TAFA1: variants seen among roughly 807,000 people sequenced by gnomAD.
TAFA1 encodes the protein TAFA chemokine like family member 1, also known as chemokine-like protein TAFA-1.
A neutral mutation model predicts 18.5 loss-of-function variants in TAFA1; 4 were observed. That is an observed-to-expected ratio of 0.22 (90% CI 0.11 to 0.49). TAFA1 has a LOEUF of 0.49. Among genes scored for constraint, TAFA1 ranks in the 20% least tolerant of loss-of-function variants. The probability of loss-of-function intolerance (pLI) is 0.98; values close to 1 mark genes in which losing one functional copy is unlikely to be tolerated. For missense variants in TAFA1, 147 were observed against 169.0 expected (o/e 0.87, Z 0.72); for synonymous variants, 56 against 55.2 (o/e 1.01, Z -0.06).
intron 3 of TAFA1, among the ~76,000 whole-genome samples, chr3:68,446,432 C>T (rs1488708714): frequency 6.6e-6 from 1 of 152,134 alleles, no homozygotes; most frequent in East Asian, 1.9e-4. Flanking sequence ...TCCTGGCCCC[C>T]TCCCTTCTAT....
chr3:68,439,268 A>G (rs750704174), intron 3 of TAFA1, among the ~76,000 whole-genome samples: 10 of 151,482 alleles, frequency 6.6e-5, no homozygotes, highest in Non-Finnish European at 1.3e-4. Context: ...TAAGTGGACA[A>G]ATGTGACCAT....
intron 2 of TAFA1, among the ~76,000 whole-genome samples, chr3:68,245,433 G>A (rs940678870): frequency 6.6e-6 from 1 of 152,038 alleles, no homozygotes; most frequent in Non-Finnish European, 1.5e-5. Flanking sequence ...CTGTAGTAAT[G>A]TTTTCTTTGT....
At chr3:68,327,326 A>T (rs1223298412) in intron 2 of TAFA1, among the ~76,000 whole-genome samples, 1 of 152,154 alleles carries the variant, frequency 6.6e-6, no homozygotes, top group African/African-American at 2.4e-5. Context: ...CCGGGAGACT[A>T]TTTCAGAAAT....
At chr3:68,482,656 C>T (rs1397043510) in intron 3 of TAFA1, among the ~76,000 whole-genome samples, 4 of 152,228 alleles carry the variant, frequency 2.6e-5, no homozygotes, top group African/African-American at 9.6e-5. Context: ...ATTAATTCCT[C>T]TACTCTCTTC....
intron 2 of TAFA1, among the ~76,000 whole-genome samples, chr3:68,393,486 G>A (rs1428865798): frequency 2.0e-5 from 3 of 151,814 alleles, no homozygotes; most frequent in African/African-American, 7.3e-5. Flanking sequence ...AACAGAAAAA[G>A]AGGCACTCCT....
At chr3:68,293,978 A>G (rs757430269) in intron 2 of TAFA1, among the ~76,000 whole-genome samples, 1 of 152,354 alleles carries the variant, frequency 6.6e-6, no homozygotes, top group South Asian at 2.1e-4. Flanking sequence ...ATTAAGATTT[A>G]GGATTTTTTG....
chr3:68,464,042 G>A (rs1010396609), intron 3 of TAFA1, among the ~76,000 whole-genome samples: 5 of 152,118 alleles, frequency 3.3e-5, no homozygotes, highest in Admixed American at 6.6e-5. Context: ...CTCTTGATGA[G>A]GTAGGATGTT....
At chr3:68,421,959 G>A (rs936434283) in intron 3 of TAFA1, among the ~76,000 whole-genome samples, 8 of 152,018 alleles carry the variant, frequency 5.3e-5, no homozygotes, top group African/African-American at 1.9e-4. Context: ...AGGAATGCAT[G>A]TTTATAATAG....
At chr3:68,098,179 T>C (rs1209892763) in intron 2 of TAFA1, among the ~76,000 whole-genome samples, 1 of 152,158 alleles carries the variant, frequency 6.6e-6, no homozygotes, top group Non-Finnish European at 1.5e-5. Flanking sequence ...AGAATCGTGA[T>C]GGAAGTCAAT....
chr3:68,471,215 C>A (rs144220556), intron 3 of TAFA1, among the ~76,000 whole-genome samples: 96 of 152,328 alleles, frequency 6.3e-4, no homozygotes, highest in African/African-American at 2.1e-3. Flanking sequence ...AATGTCCAGG[C>A]AGAAGTTTGC....
At position 68,400,728 on chromosome 3, in the gene TAFA1, T is replaced by C. The variant is rs532845205; in HGVS notation, c.119-16552T>C. Among the ~76,000 whole-genome samples the C allele has an allele frequency of 3.9e-5, 6 of 152,334 alleles. No individual in the cohort carries two copies. The East Asian group carries it at 7.7e-4, about 20-fold the overall frequency. On this transcript the variant is annotated intron_variant, in intron 2 of 4. Coordinates refer to ENST00000478136, the MANE Select transcript of TAFA1 (RefSeq NM_213609.4). ...AACTATCAAACTTAGTGGACATTTA[T>C]ACATGGAAATTACCTAATTAATTCC...
At chr3:68,031,172 A>G (rs970269750) in intron 2 of TAFA1, among the ~76,000 whole-genome samples, 39 of 152,212 alleles carry the variant, frequency 2.6e-4, no homozygotes, top group African/African-American at 9.2e-4. Context: ...GGAAGAGAAG[A>G]GACCTGAAGG....
chr3:68,098,211 G>GA (rs1001810313), intron 2 of TAFA1, among the ~76,000 whole-genome samples: 2 of 151,666 alleles, frequency 1.3e-5, no homozygotes, highest in African/African-American at 2.4e-5. Flanking sequence ...TCAAATGGGG[G>GA]AAAAAAAGCA....
intron 3 of TAFA1, among the ~76,000 whole-genome samples, chr3:68,447,940 T>G (rs897946880): frequency 3.3e-5 from 5 of 152,172 alleles, no homozygotes; most frequent in African/African-American, 9.6e-5. Context: ...AATAATCCTA[T>G]AAGATAGGTA....
chr3:68,537,842 A>G (rs1575961994), intron 3 of TAFA1, among the ~76,000 whole-genome samples: 1 of 152,320 alleles, frequency 6.6e-6, no homozygotes. Context: ...CTTCCTGTCC[A>G]CTGTACAGAC....
chr3:68,461,360 C>CATATATATATATATATATAT (rs5849840), intron 3 of TAFA1, among the ~76,000 whole-genome samples: 1,351 of 106,080 alleles, frequency 0.013, 31 homozygotes, highest in Middle Eastern at 0.025. Flanking sequence ...AATGAAAGTG[C>CATATATATATATATATATAT]ATATATATAT....
chr3:68,206,106 A>C (rs2066523311), intron 2 of TAFA1, among the ~76,000 whole-genome samples: 1 of 151,924 alleles, frequency 6.6e-6, no homozygotes, highest in South Asian at 2.1e-4. Context: ...AGATTTACAC[A>C]TAAAAAACCA....
intron 2 of TAFA1, among the ~76,000 whole-genome samples, chr3:68,155,055 A>T (rs979901840): frequency 6.6e-6 from 1 of 152,212 alleles, no homozygotes; most frequent in East Asian, 1.9e-4. Flanking sequence ...CGTCAGGCCC[A>T]TGCCTTATTA....
intron 2 of TAFA1, among the ~76,000 whole-genome samples, chr3:68,414,658 G>C (rs185140809): frequency 7.2e-5 from 11 of 152,278 alleles, no homozygotes; most frequent in African/African-American, 2.6e-4. Flanking sequence ...TGAGCTCCAA[G>C]AGTAGCAGAG....
Sources: gnomAD v4.1 joint callset for allele counts (sites outside exome capture counted in the v4.1 genomes callset) on GRCh38, gnomAD v4.1.1 for gene constraint, MANE v1.5 for transcripts, NCBI Gene and HGNC (gene_info 2026-07-23, HGNC 2026-07-21) for gene names.